The following MINDY2 variants were observed in gnomAD, a reference collection of about 807,000 sequenced individuals.
MINDY2 encodes ubiquitin carboxyl-terminal hydrolase MINDY-2.
In MINDY2, 52 loss-of-function variants were observed where a neutral mutation model predicts 68.2. The ratio of observed to expected loss-of-function variants is 0.76; its 90% CI spans 0.61 to 0.96. The LOEUF (loss-of-function observed/expected upper bound fraction) is 0.96, where lower values mean the gene tolerates loss of function less well. Among genes scored for constraint, MINDY2 ranks in the 40% least tolerant of loss-of-function variants. The probability of loss-of-function intolerance (pLI) is 0.00; values close to 1 mark genes in which losing one functional copy is unlikely to be tolerated. For missense variants in MINDY2, 881 were observed against 773.4 expected (o/e 1.14, Z -1.65); for synonymous variants, 372 against 303.0 (o/e 1.23, Z -2.36).
chr15:58,778,636 C>CT (rs1301186776), intron 1 of MINDY2, among the ~76,000 whole-genome samples: 1 of 149,660 alleles, frequency 6.7e-6, no homozygotes, highest in African/African-American at 2.4e-5. Context: ...TCCTTTTTTT[C>CT]TTTTTTTTGA....
chr15:58,778,517 C>T (rs1328875794), intron 1 of MINDY2, among the ~76,000 whole-genome samples: 1 of 149,790 alleles, frequency 6.7e-6, no homozygotes, highest in Non-Finnish European at 1.5e-5. Context: ...TAAAAAAAAG[C>T]TTAAAAAAAC....
rs1212644706 is a variant in MINDY2 at position 58,856,911 on chromosome 15, C to T, written c.*2301C>T. ...TATTTCTTCTGTTATTTGTTACTAT[C>T]TTCTTAATTTGTTCCAAAGAAAATG... On this transcript the variant is annotated 3_prime_UTR_variant, in exon 9 of 9. Coordinates refer to ENST00000559228, the MANE Select transcript of MINDY2 (RefSeq NM_001040450.3). 2 of 152,162 alleles carry T rather than the reference C, an allele frequency of 1.3e-5. No homozygotes were observed. Among genetic ancestry groups the T allele is most frequent in the East Asian group, 3.9e-4 (2 of 5,194 alleles). The allele number at this position is 152,162 out of a possible 1,614,324, so 9.4% of individuals were successfully genotyped here.
intron 3 of MINDY2, among the ~76,000 whole-genome samples, chr15:58,809,115 G>A (rs1177080458): frequency 6.6e-6 from 1 of 152,150 alleles, no homozygotes; most frequent in Admixed American, 6.5e-5. Flanking sequence ...GGGAGACTGA[G>A]ATGGGAGGAT....
At chr15:58,843,790 G>T (rs760967304) in intron 6 of MINDY2, among the ~76,000 whole-genome samples, 1 of 123,532 alleles carries the variant, frequency 8.1e-6, no homozygotes, top group Admixed American at 1.1e-4. Context: ...GCCAAGTCAC[G>T]CCACTGCACT....
chr15:58,811,839 A>G (rs1222798311), intron 4 of MINDY2, among the ~76,000 whole-genome samples: 1 of 152,114 alleles, frequency 6.6e-6, no homozygotes, highest in African/African-American at 2.4e-5. Context: ...AAATAATTCT[A>G]CTGTAACATA....
rs147930380 is a variant in MINDY2, at chr15:58,821,654, T to C, written c.1123-63T>C. 3.4e-3 allele frequency: 3,281 copies of C among 961,430 alleles called. 18 individuals carry two copies. The highest frequency in any genetic ancestry group is 4.5e-3 in the Non-Finnish European group (3,034 of 670,434). 59.6% of individuals were successfully genotyped at this position (961,430 alleles called of 1,614,324 possible). ...TAGAATAAAATTCTAAAGAGTGATA[T>C]GGCTTTCTTTTGTTTTGTTCCTAAT... On this transcript the variant is annotated intron_variant, in intron 4 of 8. Coordinates refer to ENST00000559228, the MANE Select transcript of MINDY2 (RefSeq NM_001040450.3).
intron 5 of MINDY2, among the ~76,000 whole-genome samples, chr15:58,829,313 G>GGA (rs796202449): frequency 1.1e-4 from 17 of 152,212 alleles, no homozygotes; most frequent in African/African-American, 3.9e-4. Flanking sequence ...TATGGTTTTG[G>GGA]GAGAGATATA....
At chr15:58,810,502 G>A (rs2140974637) in intron 4 of MINDY2, 114 bp downstream of exon 4, 2 of 1,021,948 alleles carry the variant, frequency 2.0e-6, no homozygotes, top group East Asian at 2.8e-5. Flanking sequence ...CTTTTGCCTG[G>A]AATTAGCCAA....
intron 2 of MINDY2, among the ~76,000 whole-genome samples, chr15:58,789,004 T>TC (rs1392788779): frequency 6.6e-6 from 1 of 151,234 alleles, no homozygotes; most frequent in Non-Finnish European, 1.5e-5. Flanking sequence ...GGAGTGAGAC[T>TC]CCGTCTCAAA....
chr15:58,771,737 A>T lies in MINDY2; in HGVS notation c.342A>T (p.Thr114=), dbSNP rs765898070. The change falls in exon 1 of 9, where the codon ACA becomes ACT. Residue 114 remains threonine (T), a synonymous_variant. Coordinates refer to ENST00000559228, the MANE Select transcript of MINDY2 (RefSeq NM_001040450.3). ...ACAAGGTGACCGCCTCCCCGGAGAC[A>T]GCCGTGGCCGGAGTGGGTCATGAGT... ...GQYKVTASPE[T]AVAGVGHELG... The T allele has an allele frequency of 1.2e-6, 2 of 1,611,930 alleles. No homozygotes were observed. Among genetic ancestry groups the T allele is most frequent in the South Asian group, 2.2e-5 (2 of 91,028 alleles).
chr15:58,780,248 T>C (rs1422007977), intron 1 of MINDY2, among the ~76,000 whole-genome samples: 1 of 151,674 alleles, frequency 6.6e-6, no homozygotes, highest in African/African-American at 2.4e-5. Flanking sequence ...CTACTAAAAA[T>C]ACAAAATTAG....
rs1381992714 is a variant in MINDY2 at position 58,854,501 on chromosome 15, C to G, written c.1757C>G (p.Ala586Gly). Residue 586 changes from alanine to glycine, a missense_variant, in exon 9 of 9, where the codon GCC becomes GGC. By Grantham distance (60) the Ala-to-Gly change is moderately conservative. Transcript: ENST00000559228. ...TQAQQGQPAQ[A>G]SPSSGRQSGN... is the part of the protein sequence containing the mutation. The stretch of plus-strand genomic sequence containing the variant: ...TTAAAGCAGGGCCAGCCAGCACAAG[C>G]CTCTCCATCAAGTGGAAGACAATCT... The G allele has an allele frequency of 1.2e-6, 2 of 1,613,546 alleles. No homozygotes were observed. Among genetic ancestry groups the G allele is most frequent in the Admixed American group, 3.3e-5 (2 of 59,960 alleles).
At chr15:58,781,590 C>T (rs1393146578) in intron 1 of MINDY2, among the ~76,000 whole-genome samples, 2 of 152,098 alleles carry the variant, frequency 1.3e-5, no homozygotes, top group Non-Finnish European at 2.9e-5. Context: ...TGGGTTGTCT[C>T]CTAAAATTTT....
chr15:58,780,068 A>T (rs1333308545), intron 1 of MINDY2, among the ~76,000 whole-genome samples: 4 of 152,192 alleles, frequency 2.6e-5, no homozygotes, highest in African/African-American at 7.2e-5. Context: ...TCTCAACCAC[A>T]TCATGAAATC....
chr15:58,837,165 G>A (rs1293007543), intron 6 of MINDY2, among the ~76,000 whole-genome samples: 2 of 152,134 alleles, frequency 1.3e-5, no homozygotes, highest in Non-Finnish European at 2.9e-5. Context: ...TTCTATTAAG[G>A]CTGTTCATCA....
At chr15:58,840,135 G>A (rs759153259) in intron 6 of MINDY2, among the ~76,000 whole-genome samples, 1 of 151,990 alleles carries the variant, frequency 6.6e-6, no homozygotes, top group African/African-American at 2.4e-5. Flanking sequence ...GTTTGGCCTC[G>A]ATTTTATCTT....
intron 6 of MINDY2, among the ~76,000 whole-genome samples, chr15:58,839,156 T>C (rs1217731442): frequency 6.6e-6 from 1 of 151,948 alleles, no homozygotes; most frequent in Non-Finnish European, 1.5e-5. Context: ...TCATCCAGAG[T>C]CTTTTGGAAT....
intron 3 of MINDY2, among the ~76,000 whole-genome samples, chr15:58,804,818 G>A (rs1046293732): frequency 1.3e-5 from 2 of 150,038 alleles, no homozygotes; most frequent in Admixed American, 6.6e-5. Flanking sequence ...AAAAAAAAAA[G>A]AAAAGAAAAG....
intron 4 of MINDY2, among the ~76,000 whole-genome samples, chr15:58,818,731 C>T (rs2030866664): frequency 6.9e-6 from 1 of 145,760 alleles, no homozygotes; most frequent in African/African-American, 2.6e-5. Context: ...CCTCCACCTC[C>T]CAGTTTCAAG....
Sources: gnomAD v4.1 joint callset for allele counts (sites outside exome capture counted in the v4.1 genomes callset) on GRCh38, gnomAD v4.1.1 for gene constraint, MANE v1.5 for transcripts, NCBI Gene and HGNC (gene_info 2026-07-23, HGNC 2026-07-21) for gene names.